PCDH11X: variants seen among roughly 807,000 people sequenced by gnomAD.
PCDH11X encodes the protein protocadherin 11 X-linked, also known as protocadherin-11 X-linked.
A neutral mutation model predicts 53.3 loss-of-function variants in PCDH11X; 18 were observed. That is an observed-to-expected ratio of 0.34 (90% CI 0.23 to 0.50). The LOEUF (loss-of-function observed/expected upper bound fraction) is 0.50. PCDH11X is among the 20% of genes least tolerant of loss of function. The pLI is 0.98. For synonymous variants in PCDH11X, 279 were observed against 393.3 expected (o/e 0.71, Z 3.44); for missense variants, 570 against 1,032.4 (o/e 0.55, Z 6.14).
chrX:91,950,629 A>G (rs1476399460), intron 6 of PCDH11X, among the ~76,000 whole-genome samples: 1 of 91,769 alleles, frequency 1.1e-5, no homozygotes, highest in African/African-American at 4.7e-5. Context: ...TATATATCAC[A>G]TTTTCTTTAT....
intron 10 of PCDH11X, among the ~76,000 whole-genome samples, chrX:92,536,312 C>G (rs778919598): frequency 9.0e-6 from 1 of 111,263 alleles, no homozygotes. Flanking sequence ...TATTGTGATT[C>G]TTAGCTTTCT....
At chrX:91,857,475 A>G (rs187973757) in intron 5 of PCDH11X, among the ~76,000 whole-genome samples, 56 of 111,643 alleles carry the variant, frequency 5.0e-4, no homozygotes, top group African/African-American at 1.8e-3. Context: ...ACATTAACTC[A>G]AAAGCCCAAG....
chrX:92,117,175 G>A (rs1211349297), intron 6 of PCDH11X, among the ~76,000 whole-genome samples: 4 of 108,572 alleles, frequency 3.7e-5, no homozygotes, highest in Non-Finnish European at 5.7e-5. Flanking sequence ...GGTGGCTCAC[G>A]CCTGTAATCC....
chrX:92,167,212 G>A (rs1012304342), intron 6 of PCDH11X, among the ~76,000 whole-genome samples: 11 of 110,770 alleles, frequency 9.9e-5, no homozygotes, highest in African/African-American at 3.3e-4. Context: ...CTATAAAACT[G>A]GAAGTTATAT....
chrX:92,606,038 C>T (rs1926755744), intron 10 of PCDH11X, among the ~76,000 whole-genome samples: 1 of 109,245 alleles, frequency 9.2e-6, no homozygotes, highest in African/African-American at 3.3e-5. Context: ...TCGAGACCAC[C>T]CTGACCAACA....
chrX:92,250,476 A>G (rs2067436689), intron 7 of PCDH11X, among the ~76,000 whole-genome samples: 1 of 109,307 alleles, frequency 9.1e-6, no homozygotes, highest in South Asian at 3.9e-4. Flanking sequence ...AGATATGTCC[A>G]TTCAGAAACT....
chrX:92,134,188 G>A lies in PCDH11X; in HGVS notation c.3034-67187G>A, dbSNP rs766098080. On this transcript the variant is annotated intron_variant, in intron 6 of 10. Coordinates refer to ENST00000682573, the MANE Select transcript of PCDH11X (RefSeq NM_032968.5). ...AATCAGATATGCATTTGTCTCACAT[G>A]AGCAGAGGGATGACTTTGAGTTCTG... Among the ~76,000 whole-genome samples the A allele has an allele frequency of 2.1e-4, 23 of 111,758 alleles. 1 individual carries two copies. Among genetic ancestry groups the A allele is most frequent in the Non-Finnish European group, 3.6e-4 (19 of 53,205 alleles).
At chrX:92,072,398 TG>T (rs1477734473) in intron 6 of PCDH11X, among the ~76,000 whole-genome samples, 24 of 111,015 alleles carry the variant, frequency 2.2e-4, no homozygotes, top group Non-Finnish European at 5.7e-5. Flanking sequence ...GATAATGCGC[TG>T]AGTTTCCCTG....
In PCDH11X at chrX:92,440,567, G is replaced by A. The variant is rs1314818726; in HGVS notation, c.3344-27732G>A. ...ATGAGATCTGATGGTTTTAAAAAGA[G>A]GAGTTCCCCTGCACAAGCTCTCTCT... On this transcript the variant is annotated intron_variant, in intron 9 of 10. Transcript: ENST00000682573. Among the ~76,000 whole-genome samples the A allele has an allele frequency of 5.5e-5, 6 of 109,198 alleles. No individual in the cohort carries two copies. The East Asian group carries it at 1.5e-3, about 27-fold the overall frequency. 94.8% of individuals were successfully genotyped at this position (109,198 alleles called of 115,157 possible).
chrX:92,435,688 T>G (rs185152235), intron 9 of PCDH11X, among the ~76,000 whole-genome samples: 1,886 of 111,086 alleles, frequency 0.017, 31 homozygotes, highest in East Asian at 0.045. Flanking sequence ...GCAGCCAAAC[T>G]AAGCTTCCTA....
intron 8 of PCDH11X, among the ~76,000 whole-genome samples, chrX:92,368,188 G>T (rs1454150679): frequency 2.8e-5 from 3 of 105,896 alleles, no homozygotes; most frequent in Non-Finnish European, 5.8e-5. Context: ...GGCTTTGTTT[G>T]TTCCTTTTCA....
intron 7 of PCDH11X, among the ~76,000 whole-genome samples, chrX:92,257,396 A>T (rs946512714): frequency 9.0e-6 from 1 of 111,113 alleles, no homozygotes; most frequent in African/African-American, 3.3e-5. Flanking sequence ...TGTCTTTCTC[A>T]CATTTCAAAA....
At chrX:92,083,022 C>G (rs1041354387) in intron 6 of PCDH11X, among the ~76,000 whole-genome samples, 4 of 111,489 alleles carry the variant, frequency 3.6e-5, no homozygotes, top group African/African-American at 1.3e-4. Flanking sequence ...TTTATTCTGT[C>G]AAAACCACAG....
At chrX:92,537,811 A>G (rs1019993527) in intron 10 of PCDH11X, among the ~76,000 whole-genome samples, 4 of 108,588 alleles carry the variant, frequency 3.7e-5, no homozygotes, top group Non-Finnish European at 7.6e-5. Flanking sequence ...AACTATTGGC[A>G]TATAGAAAGG....
intron 10 of PCDH11X, among the ~76,000 whole-genome samples, chrX:92,554,983 A>T: frequency 9.0e-6 from 1 of 111,676 alleles, no homozygotes; most frequent in Non-Finnish European, 1.9e-5. Flanking sequence ...TTCTAGTGTA[A>T]TTAACTTGTT....
At chrX:92,464,555 T>C (rs2073120345) in intron 9 of PCDH11X, among the ~76,000 whole-genome samples, 1 of 110,914 alleles carries the variant, frequency 9.0e-6, no homozygotes, top group African/African-American at 3.3e-5. Flanking sequence ...TAAACCTCTT[T>C]CCTTTATAAA....
At chrX:92,558,063 T>A (rs2075072938) in intron 10 of PCDH11X, among the ~76,000 whole-genome samples, 1 of 111,299 alleles carries the variant, frequency 9.0e-6, no homozygotes, top group African/African-American at 3.3e-5. Flanking sequence ...ACCACCCTCA[T>A]GATTCAATTA....
chrX:91,818,777 A>G (rs1446705177), intron 4 of PCDH11X, among the ~76,000 whole-genome samples: 2 of 110,870 alleles, frequency 1.8e-5, no homozygotes, highest in Non-Finnish European at 3.8e-5. Context: ...ATTAACCCTG[A>G]TCACACCACT....
chrX:92,249,310 A>G (rs1356042915), intron 7 of PCDH11X, among the ~76,000 whole-genome samples: 2 of 111,830 alleles, frequency 1.8e-5, no homozygotes, highest in Non-Finnish European at 3.8e-5. Context: ...AAGCTTTAAT[A>G]GACACAATAT....
Sources: allele counts gnomAD v4.1 joint callset (sites outside exome capture counted in the v4.1 genomes callset), GRCh38; gene constraint gnomAD v4.1.1; transcripts MANE v1.5; gene names NCBI Gene and HGNC (gene_info 2026-07-23, HGNC 2026-07-21).